PSD3: variants seen among roughly 807,000 people sequenced by gnomAD.
The protein encoded by PSD3 is PH and SEC7 domain-containing protein 3.
In PSD3, 49 loss-of-function variants were observed where a neutral mutation model predicts 105.5. The ratio of observed to expected loss-of-function variants is 0.46; its 90% CI spans 0.37 to 0.59. PSD3 has a LOEUF of 0.59. PSD3 is among the 20% of genes least tolerant of loss of function. The pLI is 0.00. For missense variants in PSD3, 1,561 were observed against 1,263.8 expected (o/e 1.24, Z -3.57); for synonymous variants, 557 against 457.8 (o/e 1.22, Z -2.77).
At chr8:18,831,602 G>C (rs1395893611) in intron 4 of PSD3, among the ~76,000 whole-genome samples, 1 of 152,132 alleles carries the variant, frequency 6.6e-6, no homozygotes, top group Non-Finnish European at 1.5e-5. Context: ...GGCGCCTATA[G>C]TCCCAGCTAG....
At chr8:18,857,362 G>C (rs1017664313) in intron 4 of PSD3, among the ~76,000 whole-genome samples, 3 of 152,092 alleles carry the variant, frequency 2.0e-5, no homozygotes, top group African/African-American at 7.2e-5. Flanking sequence ...GTCCAGGGTG[G>C]TATCTGAGAG....
chr8:18,774,424 G>C (rs1807836024), intron 8 of PSD3: 1 of 164,228 alleles, frequency 6.1e-6, no homozygotes, highest in African/African-American at 2.4e-5. Flanking sequence ...ACAAATTATT[G>C]TTAACTATAG....
At chr8:18,772,237 A>G (rs1807607140) in intron 8 of PSD3, among the ~76,000 whole-genome samples, 4 of 152,156 alleles carry the variant, frequency 2.6e-5, no homozygotes, top group Admixed American at 2.6e-4. Context: ...CTTTTTATAT[A>G]TATACGTGCA....
intron 4 of PSD3, among the ~76,000 whole-genome samples, chr8:18,817,578 A>T (rs566711182): frequency 6.6e-6 from 1 of 152,374 alleles, no homozygotes; most frequent in East Asian, 1.9e-4. Context: ...GGAAAAGTCA[A>T]ACAACTGTGT....
intron 4 of PSD3, among the ~76,000 whole-genome samples, chr8:18,860,720 T>C (rs994987187): frequency 5.9e-5 from 9 of 152,172 alleles, no homozygotes; most frequent in African/African-American, 2.2e-4. Flanking sequence ...ATGTTGCAAA[T>C]ATGGTGCTAA....
intron 9 of PSD3, among the ~76,000 whole-genome samples, chr8:18,738,829 A>AAC (rs1304345949): frequency 2.6e-5 from 4 of 151,814 alleles, no homozygotes; most frequent in East Asian, 1.9e-4. Flanking sequence ...CTCCGAAAAA[A>AAC]AAAAACAAAA....
chr8:18,813,709 A>T (rs1193792896), intron 4 of PSD3, among the ~76,000 whole-genome samples: 2 of 152,178 alleles, frequency 1.3e-5, no homozygotes, highest in African/African-American at 2.4e-5. Flanking sequence ...CACTGGCTCC[A>T]GTGGTCACCA....
At chr8:18,768,116 C>CAAAAAA (rs774203727) in intron 8 of PSD3, among the ~76,000 whole-genome samples, 28 of 97,368 alleles carry the variant, frequency 2.9e-4, no homozygotes, top group Non-Finnish European at 4.5e-4. Flanking sequence ...ACTGAAAATA[C>CAAAAAA]AAAAAAAAAA....
chr8:18,556,545 G>A (rs565809769), intron 14 of PSD3, among the ~76,000 whole-genome samples, 193 bp from the exon 15 acceptor site: 3 of 152,282 alleles, frequency 2.0e-5, no homozygotes, highest in South Asian at 2.1e-4. Context: ...TCCCGGGATG[G>A]CAATCAAGGC....
At chr8:18,994,368 T>TC (rs1825953372) in intron 1 of PSD3, among the ~76,000 whole-genome samples, 1 of 152,108 alleles carries the variant, frequency 6.6e-6, no homozygotes, top group Non-Finnish European at 1.5e-5. Flanking sequence ...TGTAAAAAAA[T>TC]CCATCTTTAT....
intron 4 of PSD3, among the ~76,000 whole-genome samples, chr8:18,816,494 A>G (rs976290759): frequency 6.6e-6 from 1 of 152,226 alleles, no homozygotes; most frequent in Non-Finnish European, 1.5e-5. Context: ...ACTTTGGTGT[A>G]TATAGGAACA....
At chr8:18,677,223 G>A (rs1248677661) in intron 9 of PSD3, among the ~76,000 whole-genome samples, 3 of 152,122 alleles carry the variant, frequency 2.0e-5, no homozygotes, top group Non-Finnish European at 2.9e-5. Context: ...GGCAGCAGGG[G>A]GTAGCTCTAA....
At chr8:19,072,223 TC>T (rs538336958) in intron 1 of PSD3, among the ~76,000 whole-genome samples, 17 of 151,692 alleles carry the variant, frequency 1.1e-4, no homozygotes, top group Non-Finnish European at 2.2e-4. Context: ...TCCCTCAGCC[TC>T]CCCAGTAGCT....
At chr8:18,618,912 G>A (rs550893721) in intron 11 of PSD3, among the ~76,000 whole-genome samples, 4 of 152,066 alleles carry the variant, frequency 2.6e-5, no homozygotes, top group African/African-American at 4.8e-5. Flanking sequence ...GGTGGAATAC[G>A]CTTATCCATG....
intron 4 of PSD3, among the ~76,000 whole-genome samples, chr8:18,866,410 G>A (rs1379353478): frequency 6.6e-6 from 1 of 152,162 alleles, no homozygotes; most frequent in Non-Finnish European, 1.5e-5. Context: ...CATGTCCTGT[G>A]CGAGGTGCTT....
chr8:18,883,917 C>T (rs1454573479), intron 2 of PSD3, among the ~76,000 whole-genome samples: 1 of 152,128 alleles, frequency 6.6e-6, no homozygotes, highest in African/African-American at 2.4e-5. Flanking sequence ...CTTTGGTGTT[C>T]TCTGTTCCCT....
At position 18,765,534 on chromosome 8, in the gene PSD3, A is replaced by G. The variant is rs1033723466; in HGVS notation, c.2087T>C (p.Ile696Thr). Reference protein sequence around the residue: ...LLNTDLHGHNIGKKMTCQEFI... With the variant: ...LLNTDLHGHNTGKKMTCQEFI... ...CTCCTGACAGGTCATCTTCTTTCCA[A>G]TATTCTGAAACAGAGGCAAACAGTA... is the stretch of plus-strand genomic sequence containing the variant. Residue 696 changes from isoleucine to threonine, a missense_variant, in exon 9 of 16, where the codon ATT becomes ACT. Coordinates refer to ENST00000327040, the MANE Select transcript of PSD3 (RefSeq NM_015310.4). 5.3e-5 allele frequency: 85 copies of G among 1,603,790 alleles called. No individual in the cohort carries two copies. The highest frequency in any genetic ancestry group is 7.3e-5 in the Non-Finnish European group (85 of 1,170,758).
At chr8:18,564,605 G>A (rs1801614170) in intron 14 of PSD3, among the ~76,000 whole-genome samples, 1 of 149,776 alleles carries the variant, frequency 6.7e-6, no homozygotes, top group African/African-American at 2.5e-5. Flanking sequence ...CTCCAGCCTG[G>A]GTGATAGAGT....
intron 4 of PSD3, among the ~76,000 whole-genome samples, chr8:18,811,513 A>AC (rs1161878075): frequency 6.6e-6 from 1 of 152,200 alleles, no homozygotes; most frequent in East Asian, 1.9e-4. Flanking sequence ...TTAGAAGGTG[A>AC]CGTTTGCTCT....
Sources: gnomAD v4.1 joint callset for allele counts (sites outside exome capture counted in the v4.1 genomes callset) on GRCh38, gnomAD v4.1.1 for gene constraint, MANE v1.5 for transcripts, NCBI Gene and HGNC (gene_info 2026-07-23, HGNC 2026-07-21) for gene names.